Variants in PCED1B observed in about 807,000 individuals in gnomAD.
PCED1B encodes the protein PC-esterase domain-containing protein 1B.
For missense variants in PCED1B, 573 were observed against 573.9 expected, an observed-to-expected ratio of 1.00 and a Z score of 0.02; for synonymous variants, 251 against 246.1, an observed-to-expected ratio of 1.02 and a Z score of -0.19.
chr12:47,172,340 C>CTTTTT (rs34230051), intron 2 of PCED1B, among the ~76,000 whole-genome samples: 2 of 78,328 alleles, frequency 2.6e-5, no homozygotes, highest in African/African-American at 4.8e-5. Context: ...TCGTGGGTTG[C>CTTTTT]TTTTTTTTTT....
In PCED1B at chr12:47,199,871, G is replaced by A. The variant is rs143195195; in HGVS notation, c.-525-16351G>A. ...ATCCATGAAAGAAAAATTGATAAGT[G>A]AGACTTCAATAAAACTAAGAACTTC... On this transcript the variant is annotated intron_variant, in intron 2 of 3. Transcript: ENST00000546455. Among the ~76,000 whole-genome samples, 280 of 152,280 alleles carry A rather than the reference G, an allele frequency of 1.8e-3. 6 individuals carry two copies. In the East Asian group the frequency reaches 0.03, roughly 16 times the overall value.
At chr12:47,112,793 A>G (rs1394275787) in intron 2 of PCED1B, among the ~76,000 whole-genome samples, 1 of 152,182 alleles carries the variant, frequency 6.6e-6, no homozygotes. Context: ...CCTGGGCTCC[A>G]GGGAGTACTG....
intron 1 of PCED1B, among the ~76,000 whole-genome samples, chr12:47,100,592 C>T (rs759585340): frequency 1.3e-5 from 2 of 152,148 alleles, no homozygotes; most frequent in African/African-American, 2.4e-5. Context: ...AAACTCAAAT[C>T]AAGTGTACTC....
At chr12:47,156,111 A>C (rs1393458312) in intron 2 of PCED1B, among the ~76,000 whole-genome samples, 1 of 152,364 alleles carries the variant, frequency 6.6e-6, no homozygotes, top group Middle Eastern at 3.4e-3. Context: ...CTTAAAGCAC[A>C]TGCATAATTT....
At position 47,236,060 on chromosome 12, in the gene PCED1B, T is replaced by C. The variant is rs1308305468; in HGVS notation, c.997T>C (p.Phe333Leu). 2 of 1,614,058 alleles carry C rather than the reference T, an allele frequency of 1.2e-6. No homozygotes were observed. Among genetic ancestry groups the C allele is most frequent in the East Asian group, 4.5e-5 (2 of 44,844 alleles). ...PILHHQGMPR[F>L]PQGPPDACFS... ...TCTCCATCACCAGGGAATGCCCCGG[T>C]TCCCACAGGGTCCCCCAGATGCCTG... The change falls in exon 4 of 4, where the codon TTC becomes CTC. Residue 333 changes from phenylalanine to leucine, a missense_variant. Physicochemically the swap from Phe to Leu is conservative, Grantham distance 22 (BLOSUM62 0). Transcript: ENST00000546455.
chr12:47,090,376 A>G (rs1028625648), intron 1 of PCED1B, among the ~76,000 whole-genome samples: 5 of 152,204 alleles, frequency 3.3e-5, no homozygotes, highest in Non-Finnish European at 5.9e-5. Flanking sequence ...AATAAAATCA[A>G]TATAAATATG....
intron 1 of PCED1B, among the ~76,000 whole-genome samples, chr12:47,103,330 C>T (rs1200777916): frequency 1.3e-5 from 2 of 152,080 alleles, no homozygotes; most frequent in African/African-American, 2.4e-5. Context: ...AGGAGGATGC[C>T]ATTTTGTCAT....
At chr12:47,230,209 C>T (rs1053818962) in intron 3 of PCED1B, among the ~76,000 whole-genome samples, 1 of 149,172 alleles carries the variant, frequency 6.7e-6, no homozygotes, top group Non-Finnish European at 1.5e-5. Context: ...CTCAGCCTCC[C>T]GAGTAGCTGG....
intron 2 of PCED1B, among the ~76,000 whole-genome samples, chr12:47,133,013 T>A (rs1940194924): frequency 1.3e-5 from 2 of 152,220 alleles, no homozygotes; most frequent in South Asian, 4.1e-4. Flanking sequence ...TTTTCATATG[T>A]AAAGCTTCAA....
At chr12:47,176,254 G>A (rs1361613623) in intron 2 of PCED1B, among the ~76,000 whole-genome samples, 1 of 152,174 alleles carries the variant, frequency 6.6e-6, no homozygotes, top group Non-Finnish European at 1.5e-5. Flanking sequence ...AAGCAATAGA[G>A]GTGCTAGGTG....
At chr12:47,139,932 G>A (rs1021631014) in intron 2 of PCED1B, among the ~76,000 whole-genome samples, 30 of 151,842 alleles carry the variant, frequency 2.0e-4, no homozygotes, top group African/African-American at 6.6e-4. Flanking sequence ...TGTGTGTTTC[G>A]TGTGAGTAGG....
intron 1 of PCED1B, among the ~76,000 whole-genome samples, chr12:47,098,024 C>A (rs1403231663): frequency 6.6e-6 from 1 of 152,184 alleles, no homozygotes; most frequent in African/African-American, 2.4e-5. Context: ...ACATGCCAGT[C>A]TGTGAAAAGG....
At chr12:47,123,173 A>G (rs1160609562) in intron 2 of PCED1B, among the ~76,000 whole-genome samples, 1 of 152,228 alleles carries the variant, frequency 6.6e-6, no homozygotes, top group East Asian at 1.9e-4. Context: ...TGTCTTTGAT[A>G]GCAGTCACAT....
In PCED1B at chr12:47,235,091, C is replaced by A. The variant is rs750880842; in HGVS notation, c.28C>A (p.Arg10=). The A allele has an allele frequency of 6.5e-7, 1 of 1,529,200 alleles. No homozygotes were observed. Among genetic ancestry groups the A allele is most frequent in the Non-Finnish European group, 8.8e-7 (1 of 1,139,796 alleles). The allele number at this position is 1,529,200 out of a possible 1,614,324, so 94.7% of individuals were successfully genotyped here. Residue 10 remains arginine, a synonymous_variant, in exon 4 of 4, where the codon CGG becomes AGG. Coordinates refer to ENST00000546455, the MANE Select transcript of PCED1B (RefSeq NM_138371.3). MILLRASEV[R]QLLHNKFVVI... is the part of the protein sequence containing the mutation. Reference sequence around the variant, plus strand: ...GATCCTTCTGCGGGCCTCCGAAGTGCGGCAGCTGCTTCACAATAAGTTCGT... The same window carrying A: ...GATCCTTCTGCGGGCCTCCGAAGTGAGGCAGCTGCTTCACAATAAGTTCGT...
chr12:47,232,449 A>G (rs953942714), intron 3 of PCED1B, among the ~76,000 whole-genome samples: 1 of 152,256 alleles, frequency 6.6e-6, no homozygotes, highest in African/African-American at 2.4e-5. Context: ...TAGGATATAT[A>G]GCTTTTAAAA....
chr12:47,081,390 G>A (rs1183487584), intron 1 of PCED1B, among the ~76,000 whole-genome samples: 1 of 152,168 alleles, frequency 6.6e-6, no homozygotes, highest in African/African-American at 2.4e-5. Flanking sequence ...GCTGTGGTCA[G>A]GCAGATTTGT....
intron 2 of PCED1B, among the ~76,000 whole-genome samples, chr12:47,148,225 C>G (rs796517769): frequency 5.3e-5 from 8 of 152,144 alleles, no homozygotes; most frequent in African/African-American, 1.9e-4. Flanking sequence ...CATGAGGGAG[C>G]CTTCATGGCC....
chr12:47,116,493 A>G (rs868468266), intron 2 of PCED1B, among the ~76,000 whole-genome samples: 17 of 152,200 alleles, frequency 1.1e-4, no homozygotes, highest in Middle Eastern at 3.2e-3. Context: ...TGAACATTTT[A>G]TTTTGAGATG....
chr12:47,217,470 G>GAAAGAAGAAAGAA (rs1555155044), intron 3 of PCED1B, among the ~76,000 whole-genome samples: 1 of 90,870 alleles, frequency 1.1e-5, no homozygotes, highest in South Asian at 3.9e-4. Flanking sequence ...AAGAAAGAAA[G>GAAAGAAGAAAGAA]AGAAAGAAAG....
Sources: gnomAD v4.1 joint callset for allele counts (sites outside exome capture counted in the v4.1 genomes callset) on GRCh38, gnomAD v4.1.1 for gene constraint, MANE v1.5 for transcripts, NCBI Gene and HGNC (gene_info 2026-07-23, HGNC 2026-07-21) for gene names.